RIMS3: variants seen among roughly 807,000 people sequenced by gnomAD.
The protein encoded by RIMS3 is regulating synaptic membrane exocytosis protein 3.
RIMS3 carries 15 observed loss-of-function variants against 29.2 expected under a neutral mutation model. The ratio of observed to expected loss-of-function variants is 0.51; its 90% CI spans 0.34 to 0.79. The LOEUF (loss-of-function observed/expected upper bound fraction) is 0.79, where lower values mean the gene tolerates loss of function less well. Among genes scored for constraint, RIMS3 ranks in the 30% least tolerant of loss-of-function variants. The pLI is 0.01. For missense variants in RIMS3, 342 were observed against 421.4 expected (o/e 0.81, Z 1.65); for synonymous variants, 161 against 170.1 (o/e 0.95, Z 0.41).
At chr1:40,653,586 G>A (rs1642227492) in intron 1 of RIMS3, among the ~76,000 whole-genome samples, 1 of 152,208 alleles carries the variant, frequency 6.6e-6, no homozygotes, top group Non-Finnish European at 1.5e-5. Context: ...ATGCATTGGG[G>A]AGGGTTTGGG....
At chr1:40,679,734 A>C in the RIMS3 span, among the ~76,000 whole-genome samples, 1,087 of 152,196 alleles carry the variant, frequency 7.1e-3, 14 homozygotes, top group African/African-American at 0.025. Flanking sequence ...ATCAGAATGA[A>C]TCTCAGGATT....
intron 3 of RIMS3, among the ~76,000 whole-genome samples, chr1:40,639,136 G>A (rs1461512988): frequency 6.6e-6 from 1 of 152,196 alleles, no homozygotes. Flanking sequence ...CCTGGGAAGG[G>A]CAGACCTGAG....
At chr1:40,663,632 CAG>C (rs983515025) in intron 1 of RIMS3, among the ~76,000 whole-genome samples, 1 of 152,198 alleles carries the variant, frequency 6.6e-6, no homozygotes, top group East Asian at 1.9e-4. Context: ...TTGGGAAGCC[CAG>C]AGAGTAGCAG....
At chr1:40,663,455 C>A (rs937305765) in intron 1 of RIMS3, among the ~76,000 whole-genome samples, 55 of 152,080 alleles carry the variant, frequency 3.6e-4, no homozygotes, top group African/African-American at 1.3e-3. Context: ...TGAAATCAAC[C>A]ACCAGCCTGC....
rs1642288611 is a variant in RIMS3, at chr1:40,657,515, A to G, written c.-207+7879T>C. On this transcript the variant is annotated intron_variant, in intron 1 of 7. Coordinates refer to ENST00000372684, the MANE Select transcript of RIMS3 (RefSeq NM_014747.3). ...AATCCCAGCACTTTCAGAGGCCAAG[A>G]TGGGAGGATTGCTTGAGCCCAGGAG... Among the ~76,000 whole-genome samples the G allele has an allele frequency of 2.0e-5, 3 of 152,146 alleles. No homozygotes were observed. In the South Asian group the frequency reaches 6.2e-4, roughly 32 times the overall value.
Position 40,653,872 on chromosome 1 carries a change from G to A in RIMS3, c.-206-6030C>T, listed in dbSNP as rs148488786. On this transcript the variant is annotated intron_variant, in intron 1 of 7. Transcript: ENST00000372684. The stretch of plus-strand genomic sequence containing the variant: ...GCAGATGAAAATGAGGACTGTGCCA[G>A]GCAAACCCAGTCGTATAGTCACCCT... Among the ~76,000 whole-genome samples the A allele has an allele frequency of 1.1e-3, 175 of 152,270 alleles. 3 individuals carry two copies. The highest frequency in any genetic ancestry group is 4.1e-3 in the African/African-American group (170 of 41,538).
At chr1:40,680,614 G>C in the RIMS3 span, among the ~76,000 whole-genome samples, 1 of 152,096 alleles carries the variant, frequency 6.6e-6, no homozygotes, top group Non-Finnish European at 1.5e-5. Flanking sequence ...TTACAGGCAT[G>C]AGCCACCATG....
rs138316452 is a variant in RIMS3 at position 40,655,357 on chromosome 1, C to T, written c.-206-7515G>A. On this transcript the variant is annotated intron_variant, in intron 1 of 7. Transcript: ENST00000372684. ...GTAGGGTATGCAGCCCCTACTCCCC[C>T]CAGGAGGTCTCAAGTCCTGGCCTCA... Among the ~76,000 whole-genome samples, 4 of 152,146 alleles carry T rather than the reference C, an allele frequency of 2.6e-5. No individual in the cohort carries two copies. In the East Asian group the frequency reaches 7.8e-4, roughly 30 times the overall value.
chr1:40,633,028 G>A (rs1461964710), intron 5 of RIMS3, 41 bp downstream of exon 5: 3 of 1,518,940 alleles, frequency 2.0e-6, no homozygotes, highest in Non-Finnish European at 2.7e-6. Flanking sequence ...CTGTCGCATG[G>A]TCACCATTAC....
At chr1:40,642,284 G>T (rs1184814633) in intron 2 of RIMS3, among the ~76,000 whole-genome samples, 1 of 152,172 alleles carries the variant, frequency 6.6e-6, no homozygotes, top group Non-Finnish European at 1.5e-5. Context: ...ACATCCTGAG[G>T]TTTCAGTGAA....
At chr1:40,627,375 C>T (rs948984238) in intron 7 of RIMS3, among the ~76,000 whole-genome samples, 1 of 151,916 alleles carries the variant, frequency 6.6e-6, no homozygotes, top group African/African-American at 2.4e-5. Flanking sequence ...ACTACAGGTG[C>T]CCGCCACCAC....
chr1:40,670,610 T>TATATATATATATATATA (rs1642482130), upstream of RIMS3, among the ~76,000 whole-genome samples: 2 of 35,828 alleles, frequency 5.6e-5, no homozygotes, highest in Admixed American at 3.2e-4. Flanking sequence ...ATATATATAT[T>TATATATATATATATATA]TGAGATGGAG....
At chr1:40,675,609 T>TA in the RIMS3 span, among the ~76,000 whole-genome samples, 4 of 151,722 alleles carry the variant, frequency 2.6e-5, no homozygotes, top group African/African-American at 9.7e-5. Context: ...AATACAAAAA[T>TA]TAGCCAGTCG....
the RIMS3 span, among the ~76,000 whole-genome samples, chr1:40,682,029 T>C: frequency 6.6e-6 from 1 of 152,220 alleles, no homozygotes; most frequent in African/African-American, 2.4e-5. Flanking sequence ...AGATGGAGTT[T>C]CACCATGTTG....
At chr1:40,650,416 C>T (rs1646624034) in intron 1 of RIMS3, among the ~76,000 whole-genome samples, 1 of 152,182 alleles carries the variant, frequency 6.6e-6, no homozygotes, top group African/African-American at 2.4e-5. Flanking sequence ...CCTTAGCTTC[C>T]CATTTCCTGC....
In RIMS3 at chr1:40,621,474, C is replaced by T. The variant is rs1646420460; in HGVS notation, c.*5043G>A. The T allele has an allele frequency of 6.6e-6, 1 of 152,214 alleles. No homozygotes were observed. Among genetic ancestry groups the T allele is most frequent in the Non-Finnish European group, 1.5e-5 (1 of 68,054 alleles). 9.4% of individuals were successfully genotyped at this position (152,214 alleles called of 1,614,324 possible). A position where few individuals can be genotyped will look rare whatever the true frequency, so the allele number is the denominator to read the frequency against. ...GGCATGGACCAGATGAGAGCCTGCA[C>T]CCAGCCTGGGCATCAGGGGCTGAAG... On this transcript the variant is annotated 3_prime_UTR_variant, in exon 8 of 8. Coordinates refer to ENST00000372684, the MANE Select transcript of RIMS3 (RefSeq NM_014747.3).
chr1:40,677,483 G>T, the RIMS3 span, among the ~76,000 whole-genome samples: 4 of 151,432 alleles, frequency 2.6e-5, no homozygotes, highest in African/African-American at 4.8e-5. Context: ...CGGATCACGA[G>T]GTCAGGAGAT....
intron 2 of RIMS3, among the ~76,000 whole-genome samples, chr1:40,642,838 C>T (rs993835954): frequency 4.1e-5 from 4 of 98,614 alleles, no homozygotes; most frequent in Non-Finnish European, 7.0e-5. Context: ...CACCTGTAAT[C>T]CCAACTACTC....
intron 1 of RIMS3, among the ~76,000 whole-genome samples, chr1:40,651,314 C>T (rs373959359): frequency 9.2e-5 from 14 of 152,090 alleles, no homozygotes; most frequent in Admixed American, 3.9e-4. Flanking sequence ...CATGTGCCGA[C>T]GGAGGCAGAA....
Sources: gnomAD v4.1 joint callset for allele counts (sites outside exome capture counted in the v4.1 genomes callset) on GRCh38, gnomAD v4.1.1 for gene constraint, MANE v1.5 for transcripts, NCBI Gene and HGNC (gene_info 2026-07-23, HGNC 2026-07-21) for gene names.